UTP11: variants seen among roughly 807,000 people sequenced by gnomAD.
The protein encoded by UTP11 is UTP11 small subunit processome component, also known as probable U3 small nucleolar RNA-associated protein 11.
A neutral mutation model predicts 39.0 loss-of-function variants in UTP11; 29 were observed. The observed-to-expected ratio is 0.74, with a 90% CI of 0.55 to 1.01. UTP11 has a LOEUF of 1.01. Among genes scored for constraint, UTP11 ranks in the 50% least tolerant of loss-of-function variants. The probability of loss-of-function intolerance (pLI) is 0.00; values close to 1 mark genes in which losing one functional copy is unlikely to be tolerated. For missense variants in UTP11, 281 were observed against 306.0 expected, an observed-to-expected ratio of 0.92 and a Z score of 0.61; for synonymous variants, 111 against 105.0, an observed-to-expected ratio of 1.06 and a Z score of -0.35.
At chr1:38,020,290 A>G (rs1646728903) in intron 6 of UTP11, among the ~76,000 whole-genome samples, 1 of 151,804 alleles carries the variant, frequency 6.6e-6, no homozygotes. Context: ...TTTTGTAGAA[A>G]CGGGGTCTCG....
chr1:38,022,699 C>T lies in UTP11; in HGVS notation c.568C>T (p.Arg190Ter), dbSNP rs201085753. ...GAGAATGTGTGTGTTTCTTCTCCAG[C>T]GAATAGCTAAAGAAAGGCAAAAGCA... Reference protein sequence around the residue: ...KGVTNQTGLKRIAKERQKQYN... With the variant: ...KGVTNQTGLK Residue 190 changes from arginine to a stop codon, truncating the protein, a stop_gained and splice_region_variant, in exon 7 of 8, where the codon CGA becomes TGA. Transcript: ENST00000373014. LOFTEE classifies it high-confidence loss of function. 21 of 1,607,970 alleles carry T rather than the reference C, an allele frequency of 1.3e-5. No homozygotes were observed. The highest frequency in any genetic ancestry group is 9.9e-5 in the South Asian group (9 of 90,728).
intron 6 of UTP11, among the ~76,000 whole-genome samples, chr1:38,020,565 A>G (rs767869563): frequency 6.6e-6 from 1 of 152,212 alleles, no homozygotes; most frequent in Non-Finnish European, 1.5e-5. Flanking sequence ...AATGCTGTCA[A>G]TGTGTTTCAA....
Position 38,023,540 on chromosome 1 carries a change from T to G in UTP11, c.679-5T>G. The G allele has an allele frequency of 1.2e-6, 2 of 1,608,808 alleles. No individual in the cohort carries two copies. The highest frequency in any genetic ancestry group is 1.7e-6 in the Non-Finnish European group (2 of 1,178,046). ...TTTACTGATCACCTTTTTACTCTTT[T>G]GTAGGATAAAACTCAGAAAGTGAAG... On this transcript the variant is annotated splice_region_variant and splice_polypyrimidine_tract_variant and intron_variant, in intron 7 of 7. Transcript: ENST00000373014.
At chr1:38,015,439 G>A (rs2148736751) in intron 1 of UTP11, among the ~76,000 whole-genome samples, 1 of 152,220 alleles carries the variant, frequency 6.6e-6, no homozygotes, top group Middle Eastern at 3.4e-3. Context: ...TTCTAGTTTT[G>A]GCTCTGCTAC....
intron 6 of UTP11, among the ~76,000 whole-genome samples, chr1:38,021,079 G>A (rs1343844129): frequency 6.6e-6 from 1 of 152,038 alleles, no homozygotes; most frequent in East Asian, 1.9e-4. Flanking sequence ...CCGCCACCAC[G>A]CCTGGCTAAT....
Position 38,012,862 on chromosome 1 carries a change from C to G in UTP11, c.60C>G (p.Ser20Arg), listed in dbSNP as rs1476054257. ...KSRQREHRER[S>R]QPGFRKHLGL... ...GGCAGCGGGAACACAGAGAGCGAAG[C>G]CAGGTAGGACCATACAGGCCCCACA... is the stretch of plus-strand genomic sequence containing the variant. The change falls in exon 1 of 8, where the codon AGC (serine) becomes AGG (arginine). Residue 20 changes from serine to arginine, a missense_variant. Physicochemically the swap from Ser to Arg is moderately radical, Grantham distance 110 (BLOSUM62 -1). Coordinates refer to ENST00000373014, the MANE Select transcript of UTP11 (RefSeq NM_016037.4). The G allele has an allele frequency of 1.2e-6, 2 of 1,614,220 alleles. No homozygotes were observed. Among genetic ancestry groups the G allele is most frequent in the South Asian group, 1.1e-5 (1 of 91,086 alleles).
intron 1 of UTP11, among the ~76,000 whole-genome samples, chr1:38,015,353 T>C (rs941065626): frequency 2.0e-5 from 3 of 152,192 alleles, no homozygotes; most frequent in African/African-American, 7.2e-5. Context: ...GAGAAGTGTA[T>C]GCATTTCCCA....
chr1:38,017,367 CTTTG>C (rs1346290297), intron 2 of UTP11: 3 of 217,066 alleles, frequency 1.4e-5, no homozygotes, highest in Non-Finnish European at 2.7e-5. Flanking sequence ...TTAATTTGTA[CTTTG>C]TTTGGTGTCT....
intron 6 of UTP11, among the ~76,000 whole-genome samples, chr1:38,022,498 C>T (rs35867479): frequency 0.11 from 17,245 of 152,098 alleles, 1,053 homozygotes; most frequent in Middle Eastern, 0.17. Flanking sequence ...TGAGCCACTG[C>T]GTCTGGCCCA....
At chr1:38,019,553 G>A (rs1454158282) in intron 6 of UTP11, among the ~76,000 whole-genome samples, 170 bp downstream of exon 6, 1 of 151,230 alleles carries the variant, frequency 6.6e-6, no homozygotes, top group East Asian at 1.9e-4. Flanking sequence ...GCACGATCTC[G>A]GCTCACTGCA....
intron 2 of UTP11, 143 bp from the exon 3 acceptor site, chr1:38,017,525 C>T (rs957185340): frequency 1.2e-5 from 7 of 586,588 alleles, no homozygotes; most frequent in Non-Finnish European, 1.8e-5. Context: ...TGTCCAGATC[C>T]AGTCAGTGCT....
chr1:38,012,980 T>C (rs965461817), intron 1 of UTP11, 115 bp downstream of exon 1: 19 of 1,243,176 alleles, frequency 1.5e-5, no homozygotes, highest in Middle Eastern at 1.9e-4. Flanking sequence ...TAAATGCACG[T>C]AAATGTATGT....
intron 6 of UTP11, among the ~76,000 whole-genome samples, chr1:38,022,137 G>T (rs1232579169): frequency 6.6e-6 from 1 of 152,114 alleles, no homozygotes; most frequent in Admixed American, 6.5e-5. Context: ...TTTGTATAGG[G>T]TTTCCAACAC....
intron 6 of UTP11, among the ~76,000 whole-genome samples, chr1:38,021,396 T>G (rs1646736850): frequency 6.6e-6 from 1 of 152,208 alleles, no homozygotes; most frequent in Non-Finnish European, 1.5e-5. Flanking sequence ...TCTTTCTATT[T>G]TGTTTACTGC....
rs112128011 is a variant in UTP11 at position 38,023,653 on chromosome 1, T to C, written c.*25T>C. ...ACGTGTTATAGATAAGCCTTGTCAT[T>C]CTGTATCAAAAATCTGTTGTCGTTT... On this transcript the variant is annotated 3_prime_UTR_variant, in exon 8 of 8. Transcript: ENST00000373014. 450 of 1,583,138 alleles carry C rather than the reference T, an allele frequency of 2.8e-4. 1 individual carries two copies. Among genetic ancestry groups the C allele is most frequent in the African/African-American group, 2.3e-3 (172 of 73,526 alleles).
intron 1 of UTP11, among the ~76,000 whole-genome samples, chr1:38,014,011 G>A (rs1024390575): frequency 1.3e-5 from 2 of 152,176 alleles, no homozygotes; most frequent in African/African-American, 4.8e-5. Flanking sequence ...CCCTGCACCC[G>A]GCCAAAACTA....
intron 1 of UTP11, among the ~76,000 whole-genome samples, chr1:38,013,075 G>A (rs1420952706): frequency 2.0e-5 from 3 of 152,256 alleles, no homozygotes; most frequent in African/African-American, 7.2e-5. Context: ...AAGCAGGGGT[G>A]CCCCCCTTTC....
chr1:38,013,270 G>T (rs1263991217), intron 1 of UTP11, among the ~76,000 whole-genome samples: 3 of 152,238 alleles, frequency 2.0e-5, no homozygotes, highest in African/African-American at 7.2e-5. Flanking sequence ...CCTGACCGAA[G>T]AGACTGTGGT....
chr1:38,023,200 T>C (rs1295961497), intron 7 of UTP11, among the ~76,000 whole-genome samples: 2 of 152,256 alleles, frequency 1.3e-5, no homozygotes, highest in Admixed American at 6.5e-5. Context: ...TCTTTCATAT[T>C]CTTATCATTC....
Sources: gnomAD v4.1 joint callset for allele counts (sites outside exome capture counted in the v4.1 genomes callset) on GRCh38, gnomAD v4.1.1 for gene constraint, MANE v1.5 for transcripts, NCBI Gene and HGNC (gene_info 2026-07-23, HGNC 2026-07-21) for gene names.